Variants in UBAC1 observed in about 807,000 individuals in gnomAD.
The protein encoded by UBAC1 is UBA domain containing 1, also known as ubiquitin-associated domain-containing protein 1.
Under a neutral mutation model 45.9 loss-of-function variants are expected in UBAC1, and 27 were observed. The observed-to-expected ratio is 0.59, with a 90% CI of 0.43 to 0.81. The LOEUF (loss-of-function observed/expected upper bound fraction) is 0.81. UBAC1 is among the 30% of genes least tolerant of loss of function. The pLI is 0.00. For missense variants in UBAC1, 529 were observed against 539.2 expected, an observed-to-expected ratio of 0.98 and a Z score of 0.19; for synonymous variants, 227 against 215.5, an observed-to-expected ratio of 1.05 and a Z score of -0.47.
At chr9:135,946,662 G>A (rs1839341185) in intron 4 of UBAC1, among the ~76,000 whole-genome samples, 1 of 152,204 alleles carries the variant, frequency 6.6e-6, no homozygotes, top group Non-Finnish European at 1.5e-5. Context: ...CCCAGCTGGC[G>A]CAGGTGCAGG....
chr9:135,945,182 A>G lies in UBAC1; in HGVS notation c.722T>C (p.Leu241Pro), dbSNP rs1839313950. Residue 241 changes from leucine (L) to proline (P), a missense_variant, in exon 7 of 10, where the codon CTT becomes CCT. Leu to Pro is a moderately conservative substitution (Grantham distance 98). Coordinates refer to ENST00000371756, the MANE Select transcript of UBAC1 (RefSeq NM_016172.3). ...GGCCTCTGGGGGAGCTTGGCCAGGA[A>G]GAGGCGTGTCTATGGTCGGGTCTTC... Reference protein sequence around the residue: ...HAEDPTIDTPLPGQAPPEAEG... With the variant: ...HAEDPTIDTPPPGQAPPEAEG... 1 of 1,613,084 alleles carries G rather than the reference A, an allele frequency of 6.2e-7. No homozygotes were observed. The highest frequency in any genetic ancestry group is 8.5e-7 in the Non-Finnish European group (1 of 1,179,692).
At chr9:135,949,478 A>G (rs911053987) in intron 3 of UBAC1, among the ~76,000 whole-genome samples, 43 of 152,334 alleles carry the variant, frequency 2.8e-4, no homozygotes, top group African/African-American at 8.4e-4. Flanking sequence ...CCAGAACACT[A>G]AAGCACACCA....
At chr9:135,956,310 GCTC>G (rs1212993653) in intron 1 of UBAC1, among the ~76,000 whole-genome samples, 2 of 152,204 alleles carry the variant, frequency 1.3e-5, no homozygotes, top group African/African-American at 4.8e-5. Flanking sequence ...GGTAGATCCT[GCTC>G]CTCAATTCGG....
intron 4 of UBAC1, among the ~76,000 whole-genome samples, chr9:135,946,877 A>G (rs535406007): frequency 2.6e-5 from 4 of 152,338 alleles, no homozygotes; most frequent in Admixed American, 2.0e-4. Context: ...CCTAGAGGTC[A>G]GGCGTCAGCT....
intron 3 of UBAC1, among the ~76,000 whole-genome samples, chr9:135,951,713 G>C (rs1475678715): frequency 6.6e-6 from 1 of 152,158 alleles, no homozygotes; most frequent in African/African-American, 2.4e-5. Context: ...GGGAGGCTGA[G>C]GCAGGAGAAT....
intron 7 of UBAC1, among the ~76,000 whole-genome samples, chr9:135,940,350 C>A (rs891131553): frequency 1.2e-4 from 18 of 151,916 alleles, no homozygotes; most frequent in African/African-American, 4.3e-4. Context: ...GAGGCCGAGG[C>A]AGGCGGATCA....
At chr9:135,936,449 AT>A (rs1432623520) in intron 9 of UBAC1, among the ~76,000 whole-genome samples, 5 of 152,250 alleles carry the variant, frequency 3.3e-5, no homozygotes, top group East Asian at 1.9e-4. Context: ...GGAAAAAAAA[AT>A]AAAAGGAAAA....
At chr9:135,938,693 G>A (rs1839229141) in intron 8 of UBAC1, among the ~76,000 whole-genome samples, 1 of 152,218 alleles carries the variant, frequency 6.6e-6, no homozygotes. Flanking sequence ...AATGTACCAA[G>A]TGCCCAGCTT....
chr9:135,945,436 T>C, intron 6 of UBAC1, 186 bp from the exon 7 acceptor site: 1 of 561,792 alleles, frequency 1.8e-6, no homozygotes, highest in Non-Finnish European at 3.1e-6. Flanking sequence ...TCAGACTACC[T>C]TGAGACCCTG....
At chr9:135,942,917 T>C (rs190511292) in intron 7 of UBAC1, among the ~76,000 whole-genome samples, 34 of 152,176 alleles carry the variant, frequency 2.2e-4, no homozygotes, top group African/African-American at 7.7e-4. Context: ...AGAAAAGCAT[T>C]TGTCTCAATG....
chr9:135,945,186 G>T lies in UBAC1; in HGVS notation c.718C>A (p.Pro240Thr). The T allele has an allele frequency of 2.5e-6, 4 of 1,612,978 alleles. No homozygotes were observed. The highest frequency in any genetic ancestry group is 3.4e-6 in the Non-Finnish European group (4 of 1,179,694). The change falls in exon 7 of 10, where the codon CCT becomes ACT. Residue 240 changes from proline (P) to threonine (T), a missense_variant. Coordinates refer to ENST00000371756, the MANE Select transcript of UBAC1 (RefSeq NM_016172.3). ...TCTGGGGGAGCTTGGCCAGGAAGAG[G>T]CGTGTCTATGGTCGGGTCTTCTGCG... is the stretch of plus-strand genomic sequence containing the variant. ...EHAEDPTIDTPLPGQAPPEAE... is the reference protein window; with the variant it reads ...EHAEDPTIDTTLPGQAPPEAE...
At chr9:135,948,610 C>T (rs1839368092) in intron 3 of UBAC1, among the ~76,000 whole-genome samples, 1 of 152,228 alleles carries the variant, frequency 6.6e-6, no homozygotes, top group Non-Finnish European at 1.5e-5. Flanking sequence ...GGGCCAGGAG[C>T]CCTAGGCTCA....
At chr9:135,952,527 C>T (rs1839418338) in intron 3 of UBAC1, among the ~76,000 whole-genome samples, 1 of 152,230 alleles carries the variant, frequency 6.6e-6, no homozygotes, top group Non-Finnish European at 1.5e-5. Flanking sequence ...CTAGGGCAGC[C>T]AGTAAACAAC....
chr9:135,939,059 G>A (rs551545964), intron 8 of UBAC1, among the ~76,000 whole-genome samples: 5 of 152,082 alleles, frequency 3.3e-5, no homozygotes, highest in South Asian at 2.1e-4. Flanking sequence ...CTAATTAGCC[G>A]GGCATAGTGG....
chr9:135,945,944 G>T lies in UBAC1; in HGVS notation c.598C>A (p.Leu200Ile), dbSNP rs750786364. Residue 200 changes from leucine (L) to isoleucine (I), a missense_variant, in exon 6 of 10, where the codon CTC becomes ATC. Physicochemically the swap from Leu to Ile is conservative, Grantham distance 5. Transcript: ENST00000371756. Reference sequence around the variant, plus strand: ...TTCTCCGGAAAGCCCATCTCCGTGAGCTGCCGCAGGGCAGCCTCGTCCACA... The same window carrying T: ...TTCTCCGGAAAGCCCATCTCCGTGATCTGCCGCAGGGCAGCCTCGTCCACA... ...ERVDEAALRQLTEMGFPENRA... is the reference protein window; with the variant it reads ...ERVDEAALRQITEMGFPENRA... 6.2e-7 allele frequency: 1 copy of T among 1,614,026 alleles called. No individual in the cohort carries two copies. Among genetic ancestry groups the T allele is most frequent in the Admixed American group, 1.7e-5 (1 of 60,026 alleles).
chr9:135,945,951 C>G lies in UBAC1; in HGVS notation c.591G>C (p.Leu197=), dbSNP rs528549715. Residue 197 remains leucine (L), a synonymous_variant, in exon 6 of 10, where the codon CTG becomes CTC. Coordinates refer to ENST00000371756, the MANE Select transcript of UBAC1 (RefSeq NM_016172.3). ...DEDERVDEAA[L]RQLTEMGFPE... ...GAAAGCCCATCTCCGTGAGCTGCCG[C>G]AGGGCAGCCTCGTCCACACGCTCAT... 7 of 1,614,090 alleles carry G rather than the reference C, an allele frequency of 4.3e-6. No homozygotes were observed. In the East Asian group the frequency reaches 1.6e-4, roughly 36 times the overall value.
chr9:135,953,380 G>A (rs140388230), intron 3 of UBAC1, among the ~76,000 whole-genome samples: 7 of 152,166 alleles, frequency 4.6e-5, no homozygotes, highest in East Asian at 1.9e-4. Context: ...GCAGTGGCAC[G>A]ATCTCGGCTC....
intron 7 of UBAC1, among the ~76,000 whole-genome samples, chr9:135,942,650 CAAAA>C (rs35653463): frequency 5.2e-5 from 5 of 95,830 alleles, no homozygotes; most frequent in Admixed American, 1.1e-4. Context: ...GAAACTGTCT[CAAAA>C]AAAAAAAAAA....
chr9:135,960,270 A>G (rs899506701), intron 1 of UBAC1, among the ~76,000 whole-genome samples: 2 of 152,210 alleles, frequency 1.3e-5, no homozygotes, highest in African/African-American at 4.8e-5. Context: ...CTCGAGAACT[A>G]GTTCCAAAAA....
Sources: allele counts gnomAD v4.1 joint callset (sites outside exome capture counted in the v4.1 genomes callset), GRCh38; gene constraint gnomAD v4.1.1; transcripts MANE v1.5; gene names NCBI Gene and HGNC (gene_info 2026-07-23, HGNC 2026-07-21).